ITGA6: variants seen among roughly 807,000 people sequenced by gnomAD.
ITGA6 encodes integrin subunit alpha 6.
Under a neutral mutation model 133.6 loss-of-function variants are expected in ITGA6, and 63 were observed. The observed-to-expected ratio is 0.47, with a 90% CI of 0.38 to 0.58. The LOEUF is 0.58. Among genes scored for constraint, ITGA6 ranks in the 20% least tolerant of loss-of-function variants. The pLI is 0.00. For synonymous variants in ITGA6, 434 were observed against 482.0 expected (o/e 0.90, Z 1.30); for missense variants, 1,068 against 1,309.4 (o/e 0.82, Z 2.85).
At chr2:172,442,808 A>G (rs897407851) in intron 1 of ITGA6, among the ~76,000 whole-genome samples, 17 of 152,008 alleles carry the variant, frequency 1.1e-4, no homozygotes, top group Admixed American at 4.6e-4. Flanking sequence ...AACTGCCCAC[A>G]TAAAGAGAGC....
At chr2:172,442,003 T>C (rs1684563679) in intron 1 of ITGA6, among the ~76,000 whole-genome samples, 1 of 152,186 alleles carries the variant, frequency 6.6e-6, no homozygotes, top group Non-Finnish European at 1.5e-5. Context: ...TGTCCAGATC[T>C]CTTTCTCATC....
At chr2:172,472,074 C>A (rs1209787267) in intron 5 of ITGA6, among the ~76,000 whole-genome samples, 2 of 152,220 alleles carry the variant, frequency 1.3e-5, no homozygotes, top group Non-Finnish European at 2.9e-5. Flanking sequence ...ATAATCCCAA[C>A]ACTTCGGGAG....
intron 1 of ITGA6, among the ~76,000 whole-genome samples, chr2:172,445,095 A>G (rs879786940): frequency 8.6e-5 from 13 of 151,320 alleles, no homozygotes; most frequent in Non-Finnish European, 1.5e-4. Flanking sequence ...CCTCCCAAGT[A>G]GCTGGGACTA....
chr2:172,457,925 G>A (rs1338943061), intron 1 of ITGA6, among the ~76,000 whole-genome samples: 4 of 152,200 alleles, frequency 2.6e-5, no homozygotes, highest in Admixed American at 6.5e-5. Context: ...CTGGGCTTAT[G>A]ACCTTAGCAG....
chr2:172,427,771 C>G lies in ITGA6; in HGVS notation c.-18C>G. On this transcript the variant is annotated 5_prime_UTR_variant, in exon 1 of 26. Transcript: ENST00000684293. Reference sequence around the variant, plus strand: ...GCGGCCGCTGCAGGTCCCCGCTCCCCTCCCCGTGCGTCCGCCCATGGCCGC... The same window carrying G: ...GCGGCCGCTGCAGGTCCCCGCTCCCGTCCCCGTGCGTCCGCCCATGGCCGC... 6.3e-7 allele frequency: 1 copy of G among 1,575,094 alleles called. No individual in the cohort carries two copies. The highest frequency in any genetic ancestry group is 8.6e-7 in the Non-Finnish European group (1 of 1,162,660).
chr2:172,469,506 A>G (rs570797777), intron 4 of ITGA6, 126 bp downstream of exon 4: 2 of 828,678 alleles, frequency 2.4e-6, no homozygotes, highest in South Asian at 3.4e-5. Flanking sequence ...TAGGATATTA[A>G]AAATCTCTAA....
intron 1 of ITGA6, among the ~76,000 whole-genome samples, chr2:172,462,614 G>C (rs903892775): frequency 6.6e-6 from 1 of 152,132 alleles, no homozygotes; most frequent in Admixed American, 6.5e-5. Flanking sequence ...CAACAAATTC[G>C]AGTTAAATGC....
Position 172,491,051 on chromosome 2 carries a change from GA to G in ITGA6, c.2710del (p.Ile904LeufsTer6). The G allele has an allele frequency of 1.3e-6, 2 of 1,585,082 alleles. No homozygotes were observed. The highest frequency in any genetic ancestry group is 1.7e-6 in the Non-Finnish European group (2 of 1,154,256). ...TESHNSRKKR[E>X]ITEKQIDDNR... ...GTCTCACAACTCAAGAAAGAAACGG[GA>G]AATTACTGAAAAACAGATAGATGAT... On this transcript the variant is annotated frameshift_variant, in exon 21 of 26. Coordinates refer to ENST00000684293, the MANE Select transcript of ITGA6 (RefSeq NM_000210.4). LOFTEE classifies it high-confidence loss of function. The surrounding 1 kb of genome is among the most constrained non-coding windows in gnomAD (Gnocchi z 4.4).
chr2:172,427,345 G>C, upstream of ITGA6: 3 of 997,904 alleles, frequency 3.0e-6, no homozygotes, highest in Non-Finnish European at 3.6e-6. Context: ...TGTGCTACTC[G>C]GCAACCACAA....
chr2:172,466,352 G>A (rs375497977), intron 2 of ITGA6, among the ~76,000 whole-genome samples: 2 of 152,294 alleles, frequency 1.3e-5, no homozygotes, highest in African/African-American at 4.8e-5. Context: ...GGCGTCGGTG[G>A]CTCACACCTG....
chr2:172,478,282 T>A (rs998534447), intron 9 of ITGA6, among the ~76,000 whole-genome samples: 2 of 152,252 alleles, frequency 1.3e-5, no homozygotes, highest in Non-Finnish European at 2.9e-5. Flanking sequence ...GTGAATGGAC[T>A]TGTGCTCTAG....
intron 11 of ITGA6, 74 bp downstream of exon 11, chr2:172,480,125 A>T: frequency 1.1e-6 from 1 of 887,990 alleles, no homozygotes; most frequent in Non-Finnish European, 1.9e-6. Flanking sequence ...AATCACAGAA[A>T]AATAAAACTG....
rs768805776 is a variant in ITGA6 at position 172,469,250 on chromosome 2, T to C, written c.513T>C (p.Asp171=). ...LRIEDDMDGG[D]WSFCDGRLRG... ...TTGAAGACGATATGGATGGGGGAGATTGGAGCTTTTGTGATGGGCGATTGA... is the reference window on the plus strand; with the variant it reads ...TTGAAGACGATATGGATGGGGGAGACTGGAGCTTTTGTGATGGGCGATTGA... The change falls in exon 4 of 26, where the codon GAT becomes GAC. Residue 171 remains aspartate, a synonymous_variant. Coordinates refer to ENST00000684293, the MANE Select transcript of ITGA6 (RefSeq NM_000210.4). 1.2e-5 allele frequency: 20 copies of C among 1,614,010 alleles called. No individual in the cohort carries two copies. Among genetic ancestry groups the C allele is most frequent in the Non-Finnish European group, 1.7e-5 (20 of 1,179,982 alleles).
chr2:172,496,185 T>A (rs564265255), intron 23 of ITGA6, among the ~76,000 whole-genome samples: 10 of 150,812 alleles, frequency 6.6e-5, no homozygotes, highest in Admixed American at 2.0e-4. Flanking sequence ...TCTTCTTCCC[T>A]TCTTTGTAGA....
intron 1 of ITGA6, among the ~76,000 whole-genome samples, chr2:172,431,622 C>T (rs987872488): frequency 3.9e-5 from 6 of 152,188 alleles, no homozygotes; most frequent in African/African-American, 1.2e-4. Flanking sequence ...AGGATGTGTA[C>T]CTAAGCACTT....
chr2:172,458,100 A>AGTAG (rs1327349360), intron 1 of ITGA6, among the ~76,000 whole-genome samples: 1 of 152,048 alleles, frequency 6.6e-6, no homozygotes, highest in Non-Finnish European at 1.5e-5. Context: ...CTCTGTCTGG[A>AGTAG]GTAGGGGCTG....
chr2:172,503,962 AAAAC>A (rs1687454252), intron 25 of ITGA6, 125 bp from the exon 26 acceptor site: 1 of 625,854 alleles, frequency 1.6e-6, no homozygotes, highest in Non-Finnish European at 2.5e-6. Flanking sequence ...TTCTTAAAAG[AAAAC>A]CATGTCTTTT....
intron 1 of ITGA6, among the ~76,000 whole-genome samples, chr2:172,461,612 C>T (rs1280048503): frequency 6.6e-6 from 1 of 152,202 alleles, no homozygotes; most frequent in Non-Finnish European, 1.5e-5. Flanking sequence ...TGCAGCTGCC[C>T]TGGTCCTAGG....
In ITGA6 at chr2:172,469,157, T is replaced by C; in HGVS notation, c.420T>C (p.His140=). Residue 140 remains histidine (H), a synonymous_variant, in exon 4 of 26, where the codon CAT becomes CAC. Coordinates refer to ENST00000684293, the MANE Select transcript of ITGA6 (RefSeq NM_000210.4). ...TCAHRYEKRQ[H]VNTKQESRDI... ...CTCACCGATATGAAAAAAGGCAGCA[T>C]GTTAATACGAAGCAGGAATCCCGAG... 6.2e-7 allele frequency: 1 copy of C among 1,614,162 alleles called. No homozygotes were observed. The highest frequency in any genetic ancestry group is 8.5e-7 in the Non-Finnish European group (1 of 1,180,020).
Sources: gnomAD v4.1 joint callset for allele counts (sites outside exome capture counted in the v4.1 genomes callset) on GRCh38, gnomAD v4.1.1 for gene constraint, Gnocchi (gnomAD v3.1) non-coding constraint, MANE v1.5 for transcripts, NCBI Gene and HGNC (gene_info 2026-07-23, HGNC 2026-07-21) for gene names.